USH2A: variants seen among roughly 807,000 people sequenced by gnomAD.
USH2A encodes the protein usherin, also known as Usher syndrome 2A (autosomal recessive, mild).
In USH2A, 443 loss-of-function variants were observed where a neutral mutation model predicts 538.9. The observed-to-expected ratio is 0.82, with a 90% CI of 0.76 to 0.89. The LOEUF (loss-of-function observed/expected upper bound fraction) is 0.89, where lower values mean the gene tolerates loss of function less well. Among genes scored for constraint, USH2A ranks in the 40% least tolerant of loss-of-function variants. USH2A has a pLI of 0.00. For synonymous variants in USH2A, 2,413 were observed against 2,273.5 expected, an observed-to-expected ratio of 1.06 and a Z score of -1.75; for missense variants, 6,633 against 6,324.8, an observed-to-expected ratio of 1.05 and a Z score of -1.65.
Position 216,046,440 on chromosome 1 carries a change from T to C in USH2A, c.6316A>G (p.Ile2106Val). Residue 2106 changes from isoleucine (I) to valine (V), a missense_variant, in exon 32 of 72, where the codon ATA becomes GTA. Physicochemically the swap from Ile to Val is conservative, Grantham distance 29. Coordinates refer to ENST00000307340, the MANE Select transcript of USH2A (RefSeq NM_206933.4). ...ACTCTAGAGGTCTTACCTGTGACTA[T>C]GTAGTTCTCCTCACTGCCTGAATAG... The part of the protein sequence containing the change: ...LIYSGSEENY[I>V]VTDLAVFTPH... The C allele has an allele frequency of 6.2e-7, 1 of 1,613,538 alleles. No homozygotes were observed. Among genetic ancestry groups the C allele is most frequent in the Non-Finnish European group, 8.5e-7 (1 of 1,179,574 alleles).
At chr1:216,041,101 G>C (rs1298482538) in intron 32 of USH2A, among the ~76,000 whole-genome samples, 1 of 151,894 alleles carries the variant, frequency 6.6e-6, no homozygotes, top group Non-Finnish European at 1.5e-5. Context: ...TATTTATCCA[G>C]AATACACCAA....
chr1:216,190,488 T>C, intron 19 of USH2A, 121 bp from the exon 20 acceptor site: 1 of 1,329,948 alleles, frequency 7.5e-7, no homozygotes. Context: ...CAACCACCAT[T>C]AGGAAAAGGG....
intron 6 of USH2A, 29 bp downstream of exon 6, chr1:216,325,275 AT>A: frequency 6.2e-7 from 1 of 1,611,704 alleles, no homozygotes; most frequent in Non-Finnish European, 8.5e-7. Flanking sequence ...ACCACAGGAA[AT>A]TAATGTACAC....
intron 11 of USH2A, among the ~76,000 whole-genome samples, chr1:216,288,254 A>T (rs1476695803): frequency 1.3e-5 from 2 of 152,166 alleles, no homozygotes; most frequent in African/African-American, 4.8e-5. Flanking sequence ...CTTTCTGAGA[A>T]AATAGTCCCT....
intron 37 of USH2A, among the ~76,000 whole-genome samples, chr1:215,939,411 A>G (rs1186584617): frequency 6.6e-6 from 1 of 152,180 alleles, no homozygotes; most frequent in Non-Finnish European, 1.5e-5. Flanking sequence ...GAAAAAATAG[A>G]CCAAATAAAT....
intron 22 of USH2A, among the ~76,000 whole-genome samples, chr1:216,090,523 C>T (rs2032273714): frequency 6.6e-6 from 1 of 151,888 alleles, no homozygotes; most frequent in Non-Finnish European, 1.5e-5. Context: ...CAGACAACTC[C>T]ATCAGCTAGA....
rs1002301796 is a variant in USH2A at position 215,779,759 on chromosome 1, A to T, written c.10939+84T>A. On this transcript the variant is annotated intron_variant, in intron 55 of 71. Transcript: ENST00000307340. ...CCTTTCGAAGTGACCTCATATATCA[A>T]ACACACACCCCTGGGATGCTTTGCC... The T allele has an allele frequency of 5.9e-6, 9 of 1,534,560 alleles. No homozygotes were observed. The African/African-American group carries it at 1.2e-4, about 21-fold the overall frequency.
At chr1:216,018,169 T>G (rs1003604406) in intron 32 of USH2A, among the ~76,000 whole-genome samples, 5 of 152,168 alleles carry the variant, frequency 3.3e-5, no homozygotes, top group African/African-American at 4.8e-5. Flanking sequence ...CTCTTAGAAG[T>G]AGAATTTCCC....
At chr1:216,051,948 G>T (rs2030800121) in intron 30 of USH2A, among the ~76,000 whole-genome samples, 1 of 152,152 alleles carries the variant, frequency 6.6e-6, no homozygotes, top group African/African-American at 2.4e-5. Flanking sequence ...ATAAGGAAGG[G>T]TATTCTATAG....
chr1:216,319,995 C>T (rs984658260), intron 9 of USH2A, among the ~76,000 whole-genome samples: 1 of 152,104 alleles, frequency 6.6e-6, no homozygotes, highest in Non-Finnish European at 1.5e-5. Flanking sequence ...GACAGTGCTA[C>T]CATCTGAAAA....
chr1:216,298,764 T>G (rs1005192833), intron 9 of USH2A, among the ~76,000 whole-genome samples: 1 of 152,188 alleles, frequency 6.6e-6, no homozygotes. Flanking sequence ...GAGAGGAGTT[T>G]ATCCACTCCT....
intron 31 of USH2A, among the ~76,000 whole-genome samples, chr1:216,047,557 G>T (rs77333279): frequency 1.3e-5 from 2 of 152,272 alleles, no homozygotes; most frequent in East Asian, 3.9e-4. Context: ...AGGGTCACAA[G>T]AAGGATTTTA....
At chr1:215,778,149 T>G (rs1366183100) in intron 55 of USH2A, among the ~76,000 whole-genome samples, 1 of 151,978 alleles carries the variant, frequency 6.6e-6, no homozygotes, top group Non-Finnish European at 1.5e-5. Context: ...CCGCCCAGGT[T>G]GGAGTGATTC....
rs1436874290 is a variant in USH2A, at chr1:215,987,913, A to G, written c.6805+5107T>C. Among the ~76,000 whole-genome samples, 12 of 149,814 alleles carry G rather than the reference A, an allele frequency of 8.0e-5. No individual in the cohort carries two copies. The Admixed American group carries it at 8.1e-4, about 10-fold the overall frequency. On this transcript the variant is annotated intron_variant, in intron 35 of 71. Transcript: ENST00000307340. ...TTTAAAAAATGCATACTTCATGCATAGATCTCTATGTGATTATTAATCAGC... is the reference window on the plus strand; with the variant it reads ...TTTAAAAAATGCATACTTCATGCATGGATCTCTATGTGATTATTAATCAGC...
chr1:215,693,058 C>A (rs1658668979), intron 61 of USH2A, among the ~76,000 whole-genome samples: 1 of 148,840 alleles, frequency 6.7e-6, no homozygotes, highest in African/African-American at 2.5e-5. Context: ...CCACCATGCC[C>A]AGCTAATTTT....
chr1:216,145,820 C>CA (rs2033687773), intron 21 of USH2A, among the ~76,000 whole-genome samples: 1 of 152,104 alleles, frequency 6.6e-6, no homozygotes, highest in Non-Finnish European at 1.5e-5. Flanking sequence ...CATCCTGGCT[C>CA]AAAAAGCACC....
chr1:216,010,147 GA>G (rs1244944033), intron 32 of USH2A, among the ~76,000 whole-genome samples: 3 of 151,962 alleles, frequency 2.0e-5, no homozygotes, highest in Non-Finnish European at 4.4e-5. Flanking sequence ...TACAATAATA[GA>G]AAAAAGTTGC....
intron 14 of USH2A, among the ~76,000 whole-genome samples, chr1:216,223,067 A>G (rs1414572161): frequency 2.0e-5 from 3 of 151,786 alleles, no homozygotes; most frequent in Non-Finnish European, 4.4e-5. Flanking sequence ...GAATCTCCAT[A>G]AGAAACACAG....
intron 61 of USH2A, among the ~76,000 whole-genome samples, chr1:215,709,645 TAAA>T (rs5780846): frequency 0.18 from 22,719 of 126,854 alleles, 2,045 homozygotes; most frequent in Middle Eastern, 0.25. Flanking sequence ...AGATAATTTG[TAAA>T]AAAAAAAAAA....
Sources: allele counts gnomAD v4.1 joint callset (sites outside exome capture counted in the v4.1 genomes callset), GRCh38; gene constraint gnomAD v4.1.1; transcripts MANE v1.5; gene names NCBI Gene and HGNC (gene_info 2026-07-23, HGNC 2026-07-21).